Variants in BLTP3A observed in about 807,000 individuals in gnomAD.
BLTP3A encodes the protein bridge-like lipid transfer protein family member 3A, also known as ICBP90 binding protein 1.
the BLTP3A span, chr6:34,872,203 C>T: frequency 7.7e-7 from 1 of 1,292,858 alleles, no homozygotes; most frequent in Non-Finnish European, 1.1e-6. Flanking sequence ...TAATCATTGA[C>T]ATAACTTGTG....
the BLTP3A span, among the ~76,000 whole-genome samples, chr6:34,813,985 T>C: frequency 9.9e-6 from 1 of 100,610 alleles, no homozygotes; most frequent in African/African-American, 3.9e-5. Context: ...CCAACAACAG[T>C]CAGGCCCATG....
the BLTP3A span, chr6:34,872,256 C>T: frequency 2.3e-5 from 35 of 1,543,094 alleles, no homozygotes; most frequent in East Asian, 9.0e-5. Context: ...CCTTTACTGG[C>T]GGTTGTTGCA....
At chr6:34,855,748 T>C in the BLTP3A span, 1 of 1,610,888 alleles carries the variant, frequency 6.2e-7, no homozygotes, top group African/African-American at 1.3e-5. Flanking sequence ...TAGCCCAAAA[T>C]ATTGAGGGCA....
chr6:34,871,593 C>T, the BLTP3A span: 3 of 1,612,710 alleles, frequency 1.9e-6, no homozygotes, highest in African/African-American at 1.3e-5. Context: ...GGATGATATC[C>T]CCCCCATCTA....
the BLTP3A span, among the ~76,000 whole-genome samples, chr6:34,827,384 A>G: frequency 6.6e-6 from 1 of 152,228 alleles, no homozygotes; most frequent in Non-Finnish European, 1.5e-5. Flanking sequence ...TCTCTATTCA[A>G]ATAAAAGAAA....
the BLTP3A span, among the ~76,000 whole-genome samples, chr6:34,805,213 C>T: frequency 2.0e-5 from 3 of 151,756 alleles, no homozygotes; most frequent in South Asian, 2.1e-4. Context: ...CCTGAGAGGT[C>T]GAGGCTTCAG....
At chr6:34,820,321 G>A in the BLTP3A span, among the ~76,000 whole-genome samples, 1 of 152,086 alleles carries the variant, frequency 6.6e-6, no homozygotes, top group African/African-American at 2.4e-5. Flanking sequence ...GAAGGAGCTT[G>A]GGAAGGTTAG....
chr6:34,819,576 A>G, the BLTP3A span, among the ~76,000 whole-genome samples: 65 of 152,262 alleles, frequency 4.3e-4, no homozygotes, highest in Non-Finnish European at 7.3e-4. Context: ...TGGTTATATT[A>G]TGCATTTGAG....
At chr6:34,869,730 C>T in the BLTP3A span, among the ~76,000 whole-genome samples, 5 of 146,828 alleles carry the variant, frequency 3.4e-5, no homozygotes, top group South Asian at 1.1e-3. Context: ...CAGCCCACTG[C>T]AACCTCCGCC....
At chr6:34,825,085 AAT>A in the BLTP3A span, among the ~76,000 whole-genome samples, 1 of 152,150 alleles carries the variant, frequency 6.6e-6, no homozygotes, top group Admixed American at 6.6e-5. Context: ...CACATTTTTA[AAT>A]ATACCATTTA....
At chr6:34,795,514 T>C in the BLTP3A span, among the ~76,000 whole-genome samples, 311 of 151,652 alleles carry the variant, frequency 2.1e-3, 1 homozygote, top group African/African-American at 7.2e-3. Context: ...TCTCCTGTCT[T>C]GCCCTCCCAA....
the BLTP3A span, among the ~76,000 whole-genome samples, chr6:34,819,732 G>C: frequency 6.6e-6 from 1 of 152,200 alleles, no homozygotes; most frequent in African/African-American, 2.4e-5. Flanking sequence ...GTTCAGCCTT[G>C]CATGGCAGAT....
the BLTP3A span, chr6:34,792,299 G>C: frequency 6.5e-7 from 1 of 1,541,834 alleles, no homozygotes; most frequent in Non-Finnish European, 8.7e-7. Flanking sequence ...GTCCCGGTGA[G>C]AGCGCCAGCG....
the BLTP3A span, among the ~76,000 whole-genome samples, chr6:34,851,612 A>G: frequency 6.6e-6 from 1 of 152,164 alleles, no homozygotes; most frequent in Non-Finnish European, 1.5e-5. Context: ...CCTAAGGCCC[A>G]TGGTGACCAC....
the BLTP3A span, among the ~76,000 whole-genome samples, chr6:34,799,166 T>C: frequency 6.6e-6 from 1 of 152,202 alleles, no homozygotes; most frequent in Non-Finnish European, 1.5e-5. Context: ...GGTCTTGAAC[T>C]CCAGACCTCA....
chr6:34,858,719 C>G, the BLTP3A span: 13 of 1,614,184 alleles, frequency 8.1e-6, no homozygotes, highest in Middle Eastern at 3.3e-4. Context: ...TCAGGACTTA[C>G]AGAAGTCATG....
chr6:34,830,281 A>G, the BLTP3A span, among the ~76,000 whole-genome samples: 3 of 151,350 alleles, frequency 2.0e-5, no homozygotes, highest in South Asian at 2.1e-4. Context: ...TCATGACTCC[A>G]TGTATTTGCC....
At chr6:34,857,481 A>AG in the BLTP3A span, 1 of 1,612,996 alleles carries the variant, frequency 6.2e-7, no homozygotes, top group Non-Finnish European at 8.5e-7. Context: ...GTAAGCATCT[A>AG]GGCTGGCTAT....
the BLTP3A span, among the ~76,000 whole-genome samples, chr6:34,841,278 A>T: frequency 1.3e-5 from 2 of 151,994 alleles, no homozygotes; most frequent in Admixed American, 1.3e-4. Flanking sequence ...TATGTTGGCC[A>T]GGCTGGTCTT....
Sources: allele counts gnomAD v4.1 joint callset (sites outside exome capture counted in the v4.1 genomes callset), GRCh38; gene constraint gnomAD v4.1.1; transcripts MANE v1.5; gene names NCBI Gene and HGNC (gene_info 2026-07-23, HGNC 2026-07-21).